Variants in DDX10 observed in about 807,000 individuals in gnomAD.
DDX10 encodes the protein DEAD-box helicase 10.
A neutral mutation model predicts 104.3 loss-of-function variants in DDX10; 74 were observed. The ratio of observed to expected loss-of-function variants is 0.71; its 90% CI spans 0.59 to 0.86. DDX10 has a LOEUF of 0.86. Ranked by LOEUF, DDX10 falls within the 40% of genes least tolerant of loss-of-function variation. The pLI, the probability that DDX10 is intolerant of heterozygous loss-of-function variation, is 0.00. For missense variants in DDX10, 952 were observed against 1,040.0 expected (o/e 0.92, Z 1.16); for synonymous variants, 351 against 353.4 (o/e 0.99, Z 0.08).
At chr11:108,852,295 T>G (rs559026697) in intron 16 of DDX10, 86 bp downstream of exon 16, 5 of 923,150 alleles carry the variant, frequency 5.4e-6, no homozygotes. Context: ...GAACAATGCT[T>G]ATAATGTTAA....
intron 13 of DDX10, among the ~76,000 whole-genome samples, chr11:108,733,462 C>G (rs913407655): frequency 5.3e-5 from 8 of 152,076 alleles, no homozygotes; most frequent in Non-Finnish European, 1.2e-4. Context: ...TGCACTTTGA[C>G]TATCATATCT....
chr11:108,689,036 A>G lies in DDX10; in HGVS notation c.949A>G (p.Ile317Val), dbSNP rs750229642. The change falls in exon 7 of 18, where the codon ATT becomes GTT. Residue 317 changes from isoleucine to valine, a missense_variant. Coordinates refer to ENST00000322536, the MANE Select transcript of DDX10 (RefSeq NM_004398.4). ...FLRSHLKKKS[I>V]VFFSSCKEVQ... ...GAGAAGCCATCTGAAGAAGAAGAGC[A>G]TTGTATTTTTTTCCAGTTGCAAAGA... The G allele has an allele frequency of 2.5e-6, 4 of 1,614,082 alleles. No homozygotes were observed. Among genetic ancestry groups the G allele is most frequent in the Non-Finnish European group, 2.5e-6 (3 of 1,179,960 alleles).
In DDX10 at chr11:108,665,297, C is replaced by G. The variant is rs144535106; in HGVS notation, c.144C>G (p.Val48=). 6.2e-6 allele frequency: 10 copies of G among 1,605,130 alleles called. No homozygotes were observed. Among genetic ancestry groups the G allele is most frequent in the Middle Eastern group, 3.3e-4 (2 of 6,060 alleles). The change falls in exon 1 of 18, where the codon GTC becomes GTG. Residue 48 remains valine (V), a synonymous_variant. Transcript: ENST00000322536. ...AACTGAAGAAACCCGAATGGCAGGTCGAGCGCGAGAGTATCAGCCGCCTCA... is the reference window on the plus strand; with the variant it reads ...AACTGAAGAAACCCGAATGGCAGGTGGAGCGCGAGAGTATCAGCCGCCTCA... ...RKQLKKPEWQ[V]ERESISRLMQ...
At chr11:108,756,406 G>T (rs2094344533) in intron 13 of DDX10, among the ~76,000 whole-genome samples, 1 of 151,994 alleles carries the variant, frequency 6.6e-6, no homozygotes, top group African/African-American at 2.4e-5. Flanking sequence ...GTTTATAGTT[G>T]CCTAGAGAAT....
At chr11:108,811,213 C>T (rs1862175856) in intron 13 of DDX10, among the ~76,000 whole-genome samples, 1 of 152,192 alleles carries the variant, frequency 6.6e-6, no homozygotes, top group African/African-American at 2.4e-5. Flanking sequence ...GCTGTATATA[C>T]ATTCAATCAT....
chr11:108,797,846 T>C (rs1861966840), intron 13 of DDX10, among the ~76,000 whole-genome samples: 1 of 152,228 alleles, frequency 6.6e-6, no homozygotes, highest in Non-Finnish European at 1.5e-5. Flanking sequence ...TGAAGAGCAG[T>C]AAGCTGGGCC....
intron 8 of DDX10, 22 bp downstream of exon 8, chr11:108,692,060 A>G (rs758850593): frequency 5.8e-5 from 91 of 1,575,164 alleles, no homozygotes; most frequent in Middle Eastern, 5.1e-4. Flanking sequence ...TCCTATCATG[A>G]AATTTCTGTG....
intron 9 of DDX10, among the ~76,000 whole-genome samples, chr11:108,696,066 A>T (rs933672745): frequency 2.0e-5 from 3 of 152,180 alleles, no homozygotes; most frequent in Admixed American, 2.0e-4. Flanking sequence ...TTCTTCTTGG[A>T]ACTAACTAAA....
intron 16 of DDX10, among the ~76,000 whole-genome samples, chr11:108,886,627 T>C (rs1476881431): frequency 6.6e-6 from 1 of 152,194 alleles, no homozygotes; most frequent in East Asian, 1.9e-4. Flanking sequence ...AAATTCAGGA[T>C]ATAAGATACC....
chr11:108,666,164 G>T (rs1036317449), intron 1 of DDX10, among the ~76,000 whole-genome samples: 6 of 152,160 alleles, frequency 3.9e-5, no homozygotes, highest in Non-Finnish European at 5.9e-5. Flanking sequence ...TTCTAGTGCA[G>T]TACAATCAGG....
At chr11:108,785,010 G>C (rs900296926) in intron 13 of DDX10, among the ~76,000 whole-genome samples, 2 of 152,062 alleles carry the variant, frequency 1.3e-5, no homozygotes, top group African/African-American at 4.8e-5. Flanking sequence ...TAGGTGTGTG[G>C]GTTTATTTCT....
chr11:108,908,548 A>G (rs1368551592), intron 16 of DDX10, among the ~76,000 whole-genome samples: 1 of 152,234 alleles, frequency 6.6e-6, no homozygotes, highest in Non-Finnish European at 1.5e-5. Flanking sequence ...TAGGAACGTA[A>G]TAAAGATAAT....
intron 16 of DDX10, among the ~76,000 whole-genome samples, chr11:108,906,471 T>C (rs1433535899): frequency 6.6e-6 from 1 of 152,162 alleles, no homozygotes; most frequent in Non-Finnish European, 1.5e-5. Flanking sequence ...CTTCCAGTGC[T>C]CATAACAGCC....
At chr11:108,900,970 A>G (rs1369286787) in intron 16 of DDX10, among the ~76,000 whole-genome samples, 1 of 152,062 alleles carries the variant, frequency 6.6e-6, no homozygotes, top group Non-Finnish European at 1.5e-5. Flanking sequence ...TACATGTTCC[A>G]TTCCTCATTT....
intron 13 of DDX10, among the ~76,000 whole-genome samples, chr11:108,747,141 G>T (rs905554724): frequency 6.6e-6 from 1 of 152,118 alleles, no homozygotes; most frequent in Non-Finnish European, 1.5e-5. Flanking sequence ...AATGTGCATT[G>T]TGCTAGATTA....
intron 13 of DDX10, among the ~76,000 whole-genome samples, chr11:108,766,559 A>G (rs1355423111): frequency 6.6e-6 from 1 of 152,204 alleles, no homozygotes; most frequent in Non-Finnish European, 1.5e-5. Context: ...CATTGTTACT[A>G]TTTAGATTTG....
chr11:108,875,954 A>C (rs1365054493), intron 16 of DDX10, among the ~76,000 whole-genome samples: 1 of 152,182 alleles, frequency 6.6e-6, no homozygotes, highest in Non-Finnish European at 1.5e-5. Context: ...TAAGGTCGTT[A>C]TGTACACTAG....
chr11:108,838,711 TACATCAGC>T (rs1285508701), intron 14 of DDX10, 146 bp downstream of exon 14: 25 of 915,300 alleles, frequency 2.7e-5, no homozygotes, highest in Non-Finnish European at 3.6e-5. Flanking sequence ...CTGTAGGCTG[TACATCAGC>T]TCTACTGCTG....
intron 13 of DDX10, among the ~76,000 whole-genome samples, chr11:108,767,658 CCTTTA>C (rs1474171340): frequency 6.6e-6 from 1 of 152,078 alleles, no homozygotes; most frequent in Non-Finnish European, 1.5e-5. Context: ...TTATGAATAC[CCTTTA>C]CTTAGCTTTT....
Sources: gnomAD v4.1 joint callset for allele counts (sites outside exome capture counted in the v4.1 genomes callset) on GRCh38, gnomAD v4.1.1 for gene constraint, MANE v1.5 for transcripts, NCBI Gene and HGNC (gene_info 2026-07-23, HGNC 2026-07-21) for gene names.